DNER: variants seen among roughly 807,000 people sequenced by gnomAD.
DNER encodes delta and Notch-like epidermal growth factor-related receptor.
DNER carries 33 observed loss-of-function variants against 78.2 expected under a neutral mutation model. That is an observed-to-expected ratio of 0.42 (90% CI 0.32 to 0.56). The LOEUF (loss-of-function observed/expected upper bound fraction) is 0.56, where lower values mean the gene tolerates loss of function less well. Ranked by LOEUF, DNER falls within the 20% of genes least tolerant of loss-of-function variation. The pLI, the probability that DNER is intolerant of heterozygous loss-of-function variation, is 0.11. For synonymous variants in DNER, 417 were observed against 384.8 expected (o/e 1.08, Z -0.98); for missense variants, 918 against 975.3 (o/e 0.94, Z 0.78).
intron 4 of DNER, among the ~76,000 whole-genome samples, chr2:229,582,963 A>C (rs1350147922): frequency 6.6e-6 from 1 of 152,200 alleles, no homozygotes; most frequent in African/African-American, 2.4e-5. Flanking sequence ...TTTAAAGATT[A>C]TTCCCATAAG....
At chr2:229,389,798 T>G (rs529233300) in intron 10 of DNER, among the ~76,000 whole-genome samples, 1 of 152,362 alleles carries the variant, frequency 6.6e-6, no homozygotes, top group Admixed American at 6.5e-5. Context: ...TATTTTATTT[T>G]TAAATAAAAT....
intron 8 of DNER, among the ~76,000 whole-genome samples, chr2:229,435,350 G>T (rs1694100793): frequency 6.6e-6 from 1 of 152,116 alleles, no homozygotes; most frequent in Non-Finnish European, 1.5e-5. Context: ...AAGCATGAGT[G>T]GGCACATGGA....
intron 5 of DNER, among the ~76,000 whole-genome samples, chr2:229,526,645 A>G (rs1276668187): frequency 5.9e-5 from 9 of 152,216 alleles, no homozygotes; most frequent in Admixed American, 6.5e-5. Flanking sequence ...TTGCGCTCCT[A>G]TGAGAATCTA....
At chr2:229,524,937 A>C (rs1466888529) in intron 5 of DNER, among the ~76,000 whole-genome samples, 2 of 152,182 alleles carry the variant, frequency 1.3e-5, no homozygotes, top group African/African-American at 4.8e-5. Context: ...CAAGATCCTG[A>C]GACAGGGAGA....
At chr2:229,450,771 C>T (rs1229905660) in intron 7 of DNER, among the ~76,000 whole-genome samples, 3 of 152,172 alleles carry the variant, frequency 2.0e-5, no homozygotes. Context: ...AAAAATCAAC[C>T]CTGCCAGCAC....
At chr2:229,504,312 C>T (rs763992555) in intron 6 of DNER, among the ~76,000 whole-genome samples, 18 of 152,078 alleles carry the variant, frequency 1.2e-4, no homozygotes, top group African/African-American at 4.1e-4. Flanking sequence ...CTCTGCCTCC[C>T]GGGTTCAAGC....
At chr2:229,503,529 A>G (rs1357688459) in intron 6 of DNER, among the ~76,000 whole-genome samples, 1 of 152,242 alleles carries the variant, frequency 6.6e-6, no homozygotes, top group Non-Finnish European at 1.5e-5. Context: ...TCTCAGCTCA[A>G]TTATAACAGA....
intron 1 of DNER, among the ~76,000 whole-genome samples, chr2:229,596,525 G>A (rs575456611): frequency 6.6e-5 from 10 of 152,258 alleles, no homozygotes; most frequent in East Asian, 3.9e-4. Flanking sequence ...TCTGGTCCTC[G>A]GAGACCATCT....
chr2:229,687,323 G>A (rs751344680), intron 1 of DNER, among the ~76,000 whole-genome samples: 63 of 149,402 alleles, frequency 4.2e-4, no homozygotes, highest in Admixed American at 7.3e-4. Context: ...CAGTGTAGTG[G>A]CACGATCTCG....
At chr2:229,441,346 C>G (rs1269074712) in intron 8 of DNER, among the ~76,000 whole-genome samples, 1 of 151,576 alleles carries the variant, frequency 6.6e-6, no homozygotes. Context: ...CTGTCAATGC[C>G]CTTCAACCAA....
At chr2:229,446,138 A>G (rs1694335102) in intron 8 of DNER, among the ~76,000 whole-genome samples, 1 of 152,196 alleles carries the variant, frequency 6.6e-6, no homozygotes, top group Admixed American at 6.5e-5. Context: ...CTGAACCTCT[A>G]GAGGCATTTC....
At chr2:229,584,402 C>T (rs1466366582) in intron 4 of DNER, among the ~76,000 whole-genome samples, 3 of 152,110 alleles carry the variant, frequency 2.0e-5, no homozygotes, top group African/African-American at 4.8e-5. Flanking sequence ...TGAGCTCAGG[C>T]CTTTGAATTG....
intron 7 of DNER, among the ~76,000 whole-genome samples, chr2:229,469,064 T>C (rs993807041): frequency 1.3e-5 from 2 of 152,210 alleles, no homozygotes; most frequent in Non-Finnish European, 2.9e-5. Context: ...GGGAGTTTCC[T>C]CATACATAAA....
At chr2:229,611,883 A>G (rs1698055269) in intron 1 of DNER, among the ~76,000 whole-genome samples, 1 of 152,206 alleles carries the variant, frequency 6.6e-6, no homozygotes, top group Non-Finnish European at 1.5e-5. Context: ...CCGTCTCCAT[A>G]ACCACTCAGT....
intron 3 of DNER, chr2:229,587,036 T>G: frequency 1.0e-6 from 1 of 976,982 alleles, no homozygotes; most frequent in Non-Finnish European, 1.2e-6. Context: ...GGTCCCGTTC[T>G]GCAGCTTAAG....
rs560765081 is a variant in DNER, at chr2:229,495,372, G to A, written c.1147+17411C>T. On this transcript the variant is annotated intron_variant, in intron 6 of 12. Transcript: ENST00000341772. ...GAGGCTGAGAAGTCCCCATATCTAT[G>A]GTCAGCAAGCTGGAGACTAAGGAAA... 5.3e-5 allele frequency among the ~76,000 whole-genome samples: 8 copies of A among 152,240 alleles called. No homozygotes were observed. In the South Asian group the frequency reaches 1.7e-3, roughly 32 times the overall value.
chr2:229,574,539 A>C (rs1190157783), intron 4 of DNER, among the ~76,000 whole-genome samples: 1 of 152,228 alleles, frequency 6.6e-6, no homozygotes, highest in Non-Finnish European at 1.5e-5. Flanking sequence ...GTGTATGTCT[A>C]TATACATGCA....
intron 7 of DNER, among the ~76,000 whole-genome samples, chr2:229,452,366 T>C (rs1236282393): frequency 1.3e-5 from 2 of 152,068 alleles, no homozygotes; most frequent in Non-Finnish European, 2.9e-5. Flanking sequence ...AGAGACACAA[T>C]GTAACATAAG....
chr2:229,412,101 A>G (rs1693535573), intron 9 of DNER, among the ~76,000 whole-genome samples: 1 of 152,246 alleles, frequency 6.6e-6, no homozygotes, highest in Non-Finnish European at 1.5e-5. Flanking sequence ...ATAAAAATCA[A>G]TCACTATGGG....
Sources: gnomAD v4.1 joint callset for allele counts (sites outside exome capture counted in the v4.1 genomes callset) on GRCh38, gnomAD v4.1.1 for gene constraint, MANE v1.5 for transcripts, NCBI Gene and HGNC (gene_info 2026-07-23, HGNC 2026-07-21) for gene names.